NECTIN1: variants seen among roughly 807,000 people sequenced by gnomAD.
NECTIN1 encodes the protein nectin cell adhesion molecule 1.
In NECTIN1, 23 loss-of-function variants were observed where a neutral mutation model predicts 48.0. The ratio of observed to expected loss-of-function variants is 0.48; its 90% CI spans 0.34 to 0.68. NECTIN1 has a LOEUF of 0.68. Ranked by LOEUF, NECTIN1 falls within the 30% of genes least tolerant of loss-of-function variation. The probability of loss-of-function intolerance (pLI) is 0.01; values close to 1 mark genes in which losing one functional copy is unlikely to be tolerated. For missense variants in NECTIN1, 591 were observed against 709.9 expected (o/e 0.83, Z 1.90); for synonymous variants, 270 against 288.9 (o/e 0.93, Z 0.66).
intron 1 of NECTIN1, among the ~76,000 whole-genome samples, chr11:119,685,549 G>T (rs938486785): frequency 3.3e-5 from 5 of 152,222 alleles, no homozygotes; most frequent in Admixed American, 3.3e-4. Flanking sequence ...GATGAGTCAG[G>T]GAGCTGAGTT....
intron 5 of NECTIN1, among the ~76,000 whole-genome samples, chr11:119,643,609 T>C (rs1355125764): frequency 1.3e-5 from 2 of 152,190 alleles, no homozygotes; most frequent in Non-Finnish European, 2.9e-5. Context: ...AGGGGGGCCC[T>C]GGTTGCTTTG....
intron 1 of NECTIN1, among the ~76,000 whole-genome samples, chr11:119,690,134 A>C (rs1865227769): frequency 6.6e-6 from 1 of 152,080 alleles, no homozygotes; most frequent in Non-Finnish European, 1.5e-5. Context: ...ACCTGGACTT[A>C]GGCGGTGCCA....
chr11:119,692,846 C>T (rs1865281570), intron 1 of NECTIN1, among the ~76,000 whole-genome samples: 1 of 152,222 alleles, frequency 6.6e-6, no homozygotes, highest in Non-Finnish European at 1.5e-5. Flanking sequence ...ACTCATAGCT[C>T]CACGGCCTCC....
intron 4 of NECTIN1, 160 bp from the exon 5 acceptor site, chr11:119,675,470 A>G: frequency 1.5e-6 from 1 of 683,550 alleles, no homozygotes; most frequent in South Asian, 1.9e-5. Flanking sequence ...AATCTCTTTC[A>G]CTTGGTAGTT....
At chr11:119,700,501 ATCTGGCTTGGCCAG>A (rs1474985570) in intron 1 of NECTIN1, among the ~76,000 whole-genome samples, 2 of 152,098 alleles carry the variant, frequency 1.3e-5, no homozygotes, top group Non-Finnish European at 2.9e-5. Context: ...TTCAGGTTCC[ATCTGGCTTGGCCAG>A]TCTGGGGGTC....
At position 119,664,427 on chromosome 11, in the gene NECTIN1, T is replaced by C. The variant is rs553317300; in HGVS notation, c.*320A>G. Reference sequence around the variant, plus strand: ...GCTGGCTCCCCAAACCCTGGAGGGATGCCCAGGTACACAAGACGAGAACAG... The same window carrying C: ...GCTGGCTCCCCAAACCCTGGAGGGACGCCCAGGTACACAAGACGAGAACAG... On this transcript the variant is annotated 3_prime_UTR_variant, in exon 6 of 6. Coordinates refer to ENST00000264025, the MANE Select transcript of NECTIN1 (RefSeq NM_002855.5). 1.2e-5 allele frequency: 14 copies of C among 1,139,878 alleles called. No homozygotes were observed. The East Asian group carries it at 5.8e-4, about 47-fold the overall frequency. The allele number at this position is 1,139,878 out of a possible 1,614,324, so 70.6% of individuals were successfully genotyped here. A position where few individuals can be genotyped will look rare whatever the true frequency, so the allele number is the denominator to read the frequency against.
chr11:119,702,814 G>A (rs7932832), intron 1 of NECTIN1, among the ~76,000 whole-genome samples: 91,560 of 152,152 alleles, frequency 0.6, 27,891 homozygotes, highest in South Asian at 0.66. Context: ...AGCTTTTGGC[G>A]CTGTGGCCCC....
intron 1 of NECTIN1, among the ~76,000 whole-genome samples, chr11:119,719,932 T>C (rs1381238343): frequency 1.3e-5 from 2 of 152,080 alleles, no homozygotes; most frequent in Non-Finnish European, 2.9e-5. Flanking sequence ...ACTTCAGTAT[T>C]CAGATTTCAT....
intron 1 of NECTIN1, among the ~76,000 whole-genome samples, chr11:119,714,721 T>G (rs892466415): frequency 1.3e-5 from 2 of 151,408 alleles, no homozygotes; most frequent in South Asian, 2.1e-4. Context: ...TTCACTGAAA[T>G]TTATCATTAA....
chr11:119,653,538 C>T (rs1326493506), intron 5 of NECTIN1, among the ~76,000 whole-genome samples: 4 of 152,080 alleles, frequency 2.6e-5, no homozygotes, highest in Non-Finnish European at 5.9e-5. Context: ...TGGTGCGAGA[C>T]GACGTCAATC....
rs1284984153 is a variant in NECTIN1, at chr11:119,678,890, T to C, written c.80-125A>G. The C allele has an allele frequency of 7.0e-6, 5 of 715,224 alleles. No homozygotes were observed. The East Asian group carries it at 8.1e-5, about 12-fold the overall frequency. 44.3% of individuals were successfully genotyped at this position (715,224 alleles called of 1,614,324 possible). On this transcript the variant is annotated intron_variant, in intron 1 of 5. Coordinates refer to ENST00000264025, the MANE Select transcript of NECTIN1 (RefSeq NM_002855.5). The surrounding 1 kb of genome is among the most constrained non-coding windows in gnomAD (Gnocchi z 4.4). ...ATTGTTTTTATTCCGATTGTAAAAATATTAATTACTTGTTATAAAAACACT... is the reference window on the plus strand; with the variant it reads ...ATTGTTTTTATTCCGATTGTAAAAACATTAATTACTTGTTATAAAAACACT...
chr11:119,691,290 A>G (rs1224583981), intron 1 of NECTIN1, among the ~76,000 whole-genome samples: 1 of 152,244 alleles, frequency 6.6e-6, no homozygotes, highest in East Asian at 1.9e-4. Flanking sequence ...GCCTGAACTC[A>G]GCTCCTCTGG....
At chr11:119,667,350 ATC>A (rs1491067640) in intron 5 of NECTIN1, among the ~76,000 whole-genome samples, 2,803 of 152,184 alleles carry the variant, frequency 0.018, 95 homozygotes, top group African/African-American at 0.064. Context: ...TCCTCTCTTC[ATC>A]CATCCCTCCC....
intron 1 of NECTIN1, among the ~76,000 whole-genome samples, chr11:119,716,081 G>T (rs1229524896): frequency 1.3e-5 from 2 of 152,196 alleles, no homozygotes; most frequent in African/African-American, 2.4e-5. Flanking sequence ...CACCTTGAGT[G>T]AAACCCTTGC....
At chr11:119,676,318 G>A (rs1012903114) in intron 4 of NECTIN1, among the ~76,000 whole-genome samples, 1 of 152,208 alleles carries the variant, frequency 6.6e-6, no homozygotes, top group Non-Finnish European at 1.5e-5. Flanking sequence ...CAGCCAGCAG[G>A]CTCTGCCCAC....
chr11:119,651,189 G>T (rs1420460499), intron 5 of NECTIN1, among the ~76,000 whole-genome samples: 1 of 152,192 alleles, frequency 6.6e-6, no homozygotes, highest in African/African-American at 2.4e-5. Context: ...GAGGCAGAGT[G>T]TTTCAGAGGG....
At chr11:119,675,609 A>G (rs1213593143) in intron 4 of NECTIN1, 2 of 351,504 alleles carry the variant, frequency 5.7e-6, no homozygotes, top group Non-Finnish European at 1.1e-5. Context: ...AGGCAGCAGC[A>G]TGGGAGCTCC....
intron 5 of NECTIN1, among the ~76,000 whole-genome samples, chr11:119,652,628 T>C (rs966203394): frequency 6.6e-6 from 1 of 152,170 alleles, no homozygotes; most frequent in Non-Finnish European, 1.5e-5. Context: ...TGAATCATAA[T>C]AACATACCAC....
intron 1 of NECTIN1, among the ~76,000 whole-genome samples, chr11:119,715,803 C>T (rs1255802427): frequency 6.6e-6 from 1 of 152,168 alleles, no homozygotes; most frequent in African/African-American, 2.4e-5. Flanking sequence ...ACCATCCACC[C>T]AGGCCTCAAC....
Sources: allele counts gnomAD v4.1 joint callset (sites outside exome capture counted in the v4.1 genomes callset), GRCh38; gene constraint gnomAD v4.1.1; non-coding constraint Gnocchi (gnomAD v3.1); transcripts MANE v1.5; gene names NCBI Gene and HGNC (gene_info 2026-07-23, HGNC 2026-07-21).